PALD1: variants seen among roughly 807,000 people sequenced by gnomAD.
The protein encoded by PALD1 is paladin.
Under a neutral mutation model 96.0 loss-of-function variants are expected in PALD1, and 57 were observed. The ratio of observed to expected loss-of-function variants is 0.59; its 90% CI spans 0.48 to 0.74. The LOEUF is 0.74. Among genes scored for constraint, PALD1 ranks in the 30% least tolerant of loss-of-function variants. The pLI, the probability that PALD1 is intolerant of heterozygous loss-of-function variation, is 0.00. For synonymous variants in PALD1, 464 were observed against 473.6 expected (o/e 0.98, Z 0.26); for missense variants, 1,063 against 1,143.7 (o/e 0.93, Z 1.02).
Position 70,539,726 on chromosome 10 carries a change from C to T in PALD1, c.1872C>T (p.Arg624=). 6.2e-7 allele frequency: 1 copy of T among 1,612,916 alleles called. No individual in the cohort carries two copies. The highest frequency in any genetic ancestry group is 8.5e-7 in the Non-Finnish European group (1 of 1,179,590). Residue 624 remains arginine, a synonymous_variant, in exon 15 of 20, where the codon CGC becomes CGT. Coordinates refer to ENST00000263563, the MANE Select transcript of PALD1 (RefSeq NM_014431.3). This position sits in a 1 kb window ranked among gnomAD's most constrained non-coding sequence, Gnocchi z 4.5. ...CCTGTCCTGGCCTCACCTACCACCG[C>T]ATCCCCATGCCGGACTTCTGTGCCC... is the stretch of plus-strand genomic sequence containing the variant. The part of the protein sequence containing the change: ...RRACPGLTYH[R]IPMPDFCAPR...
rs751705822 is a variant in PALD1, at chr10:70,538,918, C to A, written c.1479C>A (p.Asp493Glu). Residue 493 changes from aspartate to glutamate, a missense_variant, in exon 13 of 20, where the codon GAC (aspartate) becomes GAA (glutamate). By Grantham distance (45) the Asp-to-Glu change is conservative. Transcript: ENST00000263563. ...GGGAGGACGATCTGGTCTCCCCGGA[C>A]GCGCTCAGCACTGTCAGAGAGATGG... ...SLREDDLVSP[D>E]ALSTVREMDV... 4 of 1,613,606 alleles carry A rather than the reference C, an allele frequency of 2.5e-6. No individual in the cohort carries two copies. The highest frequency in any genetic ancestry group is 3.4e-6 in the Non-Finnish European group (4 of 1,179,938).
chr10:70,566,739 CT>C lies in PALD1; in HGVS notation c.*8del. 1 of 1,572,322 alleles carries C rather than the reference CT, an allele frequency of 6.4e-7. No homozygotes were observed. The highest frequency in any genetic ancestry group is 8.6e-7 in the Non-Finnish European group (1 of 1,158,234). Reference sequence around the variant, plus strand: ...CCCCCGAGGACTTGCTGTAGGGGGCCTTACTCCCTGTCCCCCCACCCACAGG... The same window carrying C: ...CCCCCGAGGACTTGCTGTAGGGGGCCTACTCCCTGTCCCCCCACCCACAGG... On this transcript the variant is annotated 3_prime_UTR_variant, in exon 20 of 20. Transcript: ENST00000263563.
chr10:70,468,202 G>A, the PALD1 span, among the ~76,000 whole-genome samples: 1 of 152,228 alleles, frequency 6.6e-6, no homozygotes, highest in Non-Finnish European at 1.5e-5. Context: ...CTCTGTCGGA[G>A]TAGTTGCCTG....
Position 70,566,906 on chromosome 10 carries a change from A to G in PALD1, c.*173A>G. ...TTTTAGAAAGAACTTTTTATAGGAC[A>G]GGGAGACAGCACAGCCATCCCTTGC... On this transcript the variant is annotated 3_prime_UTR_variant, in exon 20 of 20. Transcript: ENST00000263563. 1 of 576,744 alleles carries G rather than the reference A, an allele frequency of 1.7e-6. No individual in the cohort carries two copies. Among genetic ancestry groups the G allele is most frequent in the South Asian group, 2.3e-5 (1 of 43,678 alleles). The allele number at this position is 576,744 out of a possible 1,614,324, so 35.7% of individuals were successfully genotyped here. A position where few individuals can be genotyped will look rare whatever the true frequency, so the allele number is the denominator to read the frequency against.
At chr10:70,490,684 G>A (rs912610982) in intron 1 of PALD1, among the ~76,000 whole-genome samples, 1 of 152,182 alleles carries the variant, frequency 6.6e-6, no homozygotes, top group African/African-American at 2.4e-5. Flanking sequence ...CCAGCCTTGG[G>A]TTGATGGTAG....
Position 70,545,426 on chromosome 10 carries a change from G to C in PALD1, c.2122-1880G>C, listed in dbSNP as rs542343809. ...AGAAGGGTACTGCTGTGGAGGCAAAGGGGGATGGGGGTCTGGATCAGGTGC... is the reference window on the plus strand; with the variant it reads ...AGAAGGGTACTGCTGTGGAGGCAAACGGGGATGGGGGTCTGGATCAGGTGC... On this transcript the variant is annotated intron_variant, in intron 17 of 19. Coordinates refer to ENST00000263563, the MANE Select transcript of PALD1 (RefSeq NM_014431.3). 5.3e-5 allele frequency among the ~76,000 whole-genome samples: 8 copies of C among 152,148 alleles called. No individual in the cohort carries two copies. In the East Asian group the frequency reaches 1.5e-3, roughly 29 times the overall value.
chr10:70,538,566 C>T (rs915943248), intron 12 of PALD1, among the ~76,000 whole-genome samples, 158 bp downstream of exon 12: 3 of 152,216 alleles, frequency 2.0e-5, no homozygotes, highest in Admixed American at 6.5e-5. Context: ...AGAATGGGGT[C>T]ATGCTTAGGC....
At chr10:70,480,845 G>A (rs1845918329) in intron 1 of PALD1, among the ~76,000 whole-genome samples, 1 of 152,194 alleles carries the variant, frequency 6.6e-6, no homozygotes, top group African/African-American at 2.4e-5. Context: ...GCGTGTGTGT[G>A]CTCAGGTTTA....
At chr10:70,538,823 C>A in intron 12 of PALD1, 69 bp from the exon 13 acceptor site, 3 of 1,347,626 alleles carry the variant, frequency 2.2e-6, no homozygotes, top group Non-Finnish European at 3.2e-6. Context: ...CTGCCTTGGG[C>A]CAGGTCCTGA....
chr10:70,496,446 G>T (rs1047650014), intron 1 of PALD1, among the ~76,000 whole-genome samples: 1 of 152,108 alleles, frequency 6.6e-6, no homozygotes. Flanking sequence ...CCTGTAGGTG[G>T]TCACTCTCCT....
intron 18 of PALD1, among the ~76,000 whole-genome samples, chr10:70,562,418 C>A (rs1847759816): frequency 6.6e-6 from 1 of 152,230 alleles, no homozygotes; most frequent in African/African-American, 2.4e-5. Context: ...CAGGCTACTC[C>A]AGCTCTGATT....
rs529873782 is a variant in PALD1, at chr10:70,539,948, G to GT, written c.1908+187dup. Among the ~76,000 whole-genome samples the GT allele has an allele frequency of 1.9e-3, 295 of 152,262 alleles. No individual in the cohort carries two copies. Among genetic ancestry groups the GT allele is most frequent in the African/African-American group, 6.6e-3 (275 of 41,534 alleles). ...CATTCCTTCCAAGCTTTGTGTGTGT[G>GT]TACGTGTGTTTATTATGTGTTATAG... On this transcript the variant is annotated intron_variant, in intron 15 of 19. Coordinates refer to ENST00000263563, the MANE Select transcript of PALD1 (RefSeq NM_014431.3). The surrounding 1 kb of genome is among the most constrained non-coding windows in gnomAD (Gnocchi z 4.5).
At chr10:70,480,118 T>C (rs1209091231) in intron 1 of PALD1, among the ~76,000 whole-genome samples, 1 of 152,198 alleles carries the variant, frequency 6.6e-6, no homozygotes, top group African/African-American at 2.4e-5. Context: ...TGCCCGCCCT[T>C]CCTTATTACC....
chr10:70,533,090 G>A lies in PALD1; in HGVS notation c.870+20G>A, dbSNP rs991621779. ...CTCCGGGTAACTGGGGCACGGGCGCGCATGGGGGAGGAGTCTTGAGAGTCG... is the reference window on the plus strand; with the variant it reads ...CTCCGGGTAACTGGGGCACGGGCGCACATGGGGGAGGAGTCTTGAGAGTCG... On this transcript the variant is annotated intron_variant, in intron 7 of 19. Transcript: ENST00000263563. The A allele has an allele frequency of 6.4e-6, 10 of 1,558,686 alleles. No individual in the cohort carries two copies. Among genetic ancestry groups the A allele is most frequent in the South Asian group, 5.9e-5 (5 of 84,810 alleles).
At chr10:70,482,797 T>A (rs185403221) in intron 1 of PALD1, among the ~76,000 whole-genome samples, 1 of 152,236 alleles carries the variant, frequency 6.6e-6, no homozygotes, top group East Asian at 1.9e-4. Flanking sequence ...GCAACTCCCT[T>A]ATGAGAATGT....
intron 18 of PALD1, among the ~76,000 whole-genome samples, chr10:70,554,938 TCCC>T (rs1847567845): frequency 4.2e-4 from 1 of 2,376 alleles, no homozygotes; most frequent in African/African-American, 1.7e-3. Flanking sequence ...CTCCTCCCCC[TCCC>T]CTCCCCCTCC....
At chr10:70,467,430 G>A in the PALD1 span, among the ~76,000 whole-genome samples, 2 of 151,984 alleles carry the variant, frequency 1.3e-5, no homozygotes, top group Admixed American at 1.3e-4. Context: ...GGAGGTGAGG[G>A]GAAGTAAAAG....
At chr10:70,467,712 T>C in the PALD1 span, among the ~76,000 whole-genome samples, 47 of 152,130 alleles carry the variant, frequency 3.1e-4, no homozygotes, top group African/African-American at 1.1e-3. Context: ...AGGATAGCAA[T>C]GGAACCTGCT....
chr10:70,492,464 T>TTC (rs1846115732), intron 1 of PALD1, among the ~76,000 whole-genome samples: 2 of 130,940 alleles, frequency 1.5e-5, no homozygotes, highest in Admixed American at 7.6e-5. Flanking sequence ...TTTTTTTTTT[T>TTC]TTTTTTTTTT....
Sources: allele counts gnomAD v4.1 joint callset (sites outside exome capture counted in the v4.1 genomes callset), GRCh38; gene constraint gnomAD v4.1.1; non-coding constraint Gnocchi (gnomAD v3.1); transcripts MANE v1.5; gene names NCBI Gene and HGNC (gene_info 2026-07-23, HGNC 2026-07-21).